The following CERS6 variants were observed in gnomAD, a reference collection of about 807,000 sequenced individuals.
The protein encoded by CERS6 is LAG1 homolog, ceramide synthase 6.
A neutral mutation model predicts 56.8 loss-of-function variants in CERS6; 26 were observed. The observed-to-expected ratio is 0.46, with a 90% confidence interval of 0.34 to 0.63. CERS6 has a LOEUF of 0.63. CERS6 is among the 30% of genes least tolerant of loss of function. The probability of loss-of-function intolerance (pLI) is 0.01; values close to 1 mark genes in which losing one functional copy is unlikely to be tolerated. For missense variants in CERS6, 415 were observed against 467.5 expected, an observed-to-expected ratio of 0.89 and a Z score of 1.04; for synonymous variants, 164 against 173.3, an observed-to-expected ratio of 0.95 and a Z score of 0.42.
chr2:168,491,597 A>G (rs892685713), intron 1 of CERS6, among the ~76,000 whole-genome samples: 7 of 152,180 alleles, frequency 4.6e-5, no homozygotes, highest in Non-Finnish European at 7.4e-5. Flanking sequence ...TAACTATGGA[A>G]CTATGGTTAA....
At chr2:168,504,807 G>A (rs1316699953) in intron 1 of CERS6, among the ~76,000 whole-genome samples, 3 of 152,092 alleles carry the variant, frequency 2.0e-5, no homozygotes, top group Non-Finnish European at 4.4e-5. Flanking sequence ...ATTAATAATG[G>A]GCTGTCTACC....
intron 3 of CERS6, among the ~76,000 whole-genome samples, chr2:168,593,040 G>A (rs1683711549): frequency 6.6e-6 from 1 of 152,036 alleles, no homozygotes; most frequent in African/African-American, 2.4e-5. Context: ...GAGTCCACCT[G>A]GGCTTCTTGA....
chr2:168,692,878 G>A (rs547907562), intron 5 of CERS6, among the ~76,000 whole-genome samples: 1 of 152,118 alleles, frequency 6.6e-6, no homozygotes, highest in South Asian at 2.1e-4. Flanking sequence ...TAGCCTTAAG[G>A]GCACTTTTAA....
At chr2:168,553,645 A>G (rs75036565) in intron 2 of CERS6, among the ~76,000 whole-genome samples, 14,220 of 152,260 alleles carry the variant, frequency 0.093, 754 homozygotes, top group Middle Eastern at 0.19. Context: ...ACATGAAAAA[A>G]TTTAGGGATA....
chr2:168,760,719 T>G (rs1351311093), intron 8 of CERS6, among the ~76,000 whole-genome samples: 1 of 151,918 alleles, frequency 6.6e-6, no homozygotes, highest in East Asian at 1.9e-4. Context: ...ACAAAGGCTC[T>G]TTCCTGGGTT....
chr2:168,752,053 T>G (rs1321021341), intron 8 of CERS6, among the ~76,000 whole-genome samples: 2 of 152,156 alleles, frequency 1.3e-5, no homozygotes, highest in Non-Finnish European at 2.9e-5. Context: ...GGGATACAAT[T>G]GCATTGGTTA....
chr2:168,696,601 G>T (rs1020809444), intron 6 of CERS6, among the ~76,000 whole-genome samples: 3 of 152,144 alleles, frequency 2.0e-5, no homozygotes, highest in Non-Finnish European at 4.4e-5. Context: ...GGTTCTAGAA[G>T]GTGAGGTGCC....
Position 168,579,905 on chromosome 2 carries a change from G to A in CERS6, c.407+18583G>A, listed in dbSNP as rs114627847. On this transcript the variant is annotated intron_variant, in intron 3 of 9. Coordinates refer to ENST00000305747, the MANE Select transcript of CERS6 (RefSeq NM_203463.3). The stretch of plus-strand genomic sequence containing the variant: ...CTTTCCCATCATCCTGGAACGTTCT[G>A]CTCCACATTTTCAACTTTCTGCATC... Among the ~76,000 whole-genome samples, 1,387 of 152,148 alleles carry A rather than the reference G, an allele frequency of 9.1e-3. 25 individuals are homozygous for A. Among genetic ancestry groups the A allele is most frequent in the South Asian group, 0.019 (90 of 4,816 alleles).
chr2:168,645,179 A>AGAGAGAGAGAGAGAGAGAGT (rs1685164228), intron 4 of CERS6, among the ~76,000 whole-genome samples: 1 of 125,730 alleles, frequency 8.0e-6, no homozygotes, highest in Non-Finnish European at 1.6e-5. Flanking sequence ...AGAGAGAGAG[A>AGAGAGAGAGAGAGAGAGAGT]GAGAGAGAGA....
At chr2:168,732,273 C>T (rs190067813) in intron 8 of CERS6, among the ~76,000 whole-genome samples, 5 of 152,280 alleles carry the variant, frequency 3.3e-5, no homozygotes, top group South Asian at 2.1e-4. Context: ...TTCCTTGTCA[C>T]GTTTCTCCAC....
intron 1 of CERS6, among the ~76,000 whole-genome samples, chr2:168,469,003 C>G (rs1339284435): frequency 6.6e-6 from 1 of 152,134 alleles, no homozygotes; most frequent in Non-Finnish European, 1.5e-5. Flanking sequence ...TTATTGATTT[C>G]TTTCAGAATT....
rs1266182278 is a variant in CERS6 at position 168,631,811 on chromosome 2, ATTTAT to A, written c.465+771_465+775del. 9.8e-3 allele frequency among the ~76,000 whole-genome samples: 1,215 copies of A among 124,354 alleles called. 12 individuals are homozygous for A. The highest frequency in any genetic ancestry group is 0.014 in the Non-Finnish European group (907 of 62,910). 81.6% of individuals were successfully genotyped at this position (124,354 alleles called of 152,430 possible). A position where few individuals can be genotyped will look rare whatever the true frequency, so the allele number is the denominator to read the frequency against. On this transcript the variant is annotated intron_variant, in intron 4 of 9. Transcript: ENST00000305747. ...TGTTATATATAATATATATTATATAATTTATTATATATTATATAATATATATTATA... is the reference window on the plus strand; with the variant it reads ...TGTTATATATAATATATATTATATAATATATATTATATAATATATATTATA...
At chr2:168,760,003 G>A (rs1204535118) in intron 8 of CERS6, among the ~76,000 whole-genome samples, 2 of 151,394 alleles carry the variant, frequency 1.3e-5, no homozygotes, top group African/African-American at 4.9e-5. Context: ...AAAATCTTTA[G>A]TATATGGCTC....
intron 4 of CERS6, among the ~76,000 whole-genome samples, chr2:168,673,062 T>C (rs1383411310): frequency 1.3e-5 from 2 of 152,220 alleles, no homozygotes; most frequent in Non-Finnish European, 2.9e-5. Context: ...TGAGTAATGA[T>C]AAACCAAATT....
chr2:168,634,136 TG>T (rs763725243), intron 4 of CERS6, among the ~76,000 whole-genome samples: 8 of 152,172 alleles, frequency 5.3e-5, no homozygotes, highest in Non-Finnish European at 8.8e-5. Context: ...GACATGTTAG[TG>T]AACTATTCAG....
At chr2:168,622,159 A>G (rs1232354730) in intron 3 of CERS6, among the ~76,000 whole-genome samples, 1 of 152,208 alleles carries the variant, frequency 6.6e-6, no homozygotes, top group African/African-American at 2.4e-5. Context: ...CATATACCCT[A>G]GAAATGTCCA....
intron 1 of CERS6, among the ~76,000 whole-genome samples, chr2:168,508,285 A>G (rs1353005727): frequency 6.6e-6 from 1 of 152,178 alleles, no homozygotes; most frequent in Non-Finnish European, 1.5e-5. Context: ...ATCTGGGTAA[A>G]ATAGCAAAGC....
At chr2:168,728,072 C>T (rs1355888520) in intron 8 of CERS6, among the ~76,000 whole-genome samples, 3 of 152,188 alleles carry the variant, frequency 2.0e-5, no homozygotes, top group Non-Finnish European at 4.4e-5. Flanking sequence ...GACAAAGCAG[C>T]CCACTGTCTG....
chr2:168,491,971 A>G (rs1428547334), intron 1 of CERS6, among the ~76,000 whole-genome samples: 1 of 152,188 alleles, frequency 6.6e-6, no homozygotes, highest in East Asian at 1.9e-4. Flanking sequence ...ATGGCTGCAT[A>G]GTATTCCATG....
Sources: allele counts gnomAD v4.1 joint callset (sites outside exome capture counted in the v4.1 genomes callset), GRCh38; gene constraint gnomAD v4.1.1; transcripts MANE v1.5; gene names NCBI Gene and HGNC (gene_info 2026-07-23, HGNC 2026-07-21).